Variants in CDH12 observed in about 807,000 individuals in gnomAD.
CDH12 encodes the protein cadherin-12.
A neutral mutation model predicts 74.1 loss-of-function variants in CDH12; 41 were observed. The observed-to-expected ratio is 0.55, with a 90% CI of 0.43 to 0.72. The LOEUF is 0.72. Among genes scored for constraint, CDH12 ranks in the 30% least tolerant of loss-of-function variants. CDH12 has a pLI of 0.00. For missense variants in CDH12, 945 were observed against 977.2 expected (o/e 0.97, Z 0.44); for synonymous variants, 399 against 355.0 (o/e 1.12, Z -1.39).
intron 8 of CDH12, among the ~76,000 whole-genome samples, chr5:21,826,578 T>A (rs1748682707): frequency 6.6e-6 from 1 of 152,154 alleles, no homozygotes; most frequent in Non-Finnish European, 1.5e-5. Context: ...GTCTTTCCAT[T>A]CTGCACAGCA....
At chr5:22,362,271 G>T (rs1484788348) in intron 3 of CDH12, among the ~76,000 whole-genome samples, 2 of 152,052 alleles carry the variant, frequency 1.3e-5, no homozygotes, top group African/African-American at 2.4e-5. Context: ...GTGGGTGAAG[G>T]ATATGAACAG....
chr5:22,681,950 A>G (rs1561574048), intron 1 of CDH12, among the ~76,000 whole-genome samples: 1 of 151,796 alleles, frequency 6.6e-6, no homozygotes, highest in African/African-American at 2.4e-5. Flanking sequence ...AAATCCATCA[A>G]ACAGTAAAAC....
intron 4 of CDH12, among the ~76,000 whole-genome samples, chr5:22,109,748 T>C (rs2150259034): frequency 6.6e-6 from 1 of 152,310 alleles, no homozygotes; most frequent in East Asian, 1.9e-4. Context: ...ACTCAGATTA[T>C]CAAAGGTATT....
intron 1 of CDH12, among the ~76,000 whole-genome samples, chr5:22,695,400 G>C (rs886442779): frequency 4.6e-5 from 7 of 151,992 alleles, no homozygotes; most frequent in Admixed American, 4.6e-4. Flanking sequence ...TCTGATTCTA[G>C]ATCCTTGAGA....
At chr5:22,035,833 C>T (rs1168202786) in intron 5 of CDH12, among the ~76,000 whole-genome samples, 1 of 151,862 alleles carries the variant, frequency 6.6e-6, no homozygotes, top group Non-Finnish European at 1.5e-5. Flanking sequence ...TAAAATGAAA[C>T]TTGACCACTG....
At chr5:22,211,491 TA>T (rs949724029) in intron 4 of CDH12, among the ~76,000 whole-genome samples, 1 of 152,084 alleles carries the variant, frequency 6.6e-6, no homozygotes, top group Admixed American at 6.6e-5. Flanking sequence ...CTTAATTACA[TA>T]AAAATTTATC....
intron 3 of CDH12, among the ~76,000 whole-genome samples, chr5:22,325,827 G>C (rs1192192335): frequency 2.0e-5 from 3 of 152,098 alleles, no homozygotes; most frequent in Admixed American, 6.6e-5. Flanking sequence ...AGAATGGTGT[G>C]AACCCGGGAG....
At chr5:22,198,805 A>G (rs1278894030) in intron 4 of CDH12, among the ~76,000 whole-genome samples, 7 of 152,148 alleles carry the variant, frequency 4.6e-5, no homozygotes, top group Non-Finnish European at 2.9e-5. Context: ...TTCAATAAAT[A>G]TAACACAAGC....
intron 1 of CDH12, chr5:22,580,779 G>A (rs1043189642): frequency 3.5e-5 from 9 of 257,866 alleles, no homozygotes; most frequent in African/African-American, 8.8e-5. Context: ...TCTCCATTTC[G>A]AGGTTGTTTT....
At chr5:22,458,248 A>G (rs1432763000) in intron 2 of CDH12, among the ~76,000 whole-genome samples, 1 of 152,070 alleles carries the variant, frequency 6.6e-6, no homozygotes, top group Non-Finnish European at 1.5e-5. Flanking sequence ...GTAGATGCAT[A>G]ACTCCAATTT....
In CDH12 at chr5:22,323,628, G is replaced by A. The variant is rs536385593; in HGVS notation, c.-333+81629C>T. Among the ~76,000 whole-genome samples, 28 of 152,196 alleles carry A rather than the reference G, an allele frequency of 1.8e-4. No homozygotes were observed. The South Asian group carries it at 4.3e-3, about 24-fold the overall frequency. On this transcript the variant is annotated intron_variant, in intron 3 of 14. Coordinates refer to ENST00000382254, the MANE Select transcript of CDH12 (RefSeq NM_004061.5). ...TATATGAAGAATCAAGAAACATATC[G>A]CCACATGACTAGTGCTCTGTAAGTA...
intron 1 of CDH12, among the ~76,000 whole-genome samples, chr5:22,536,028 T>C (rs1211178479): frequency 6.6e-6 from 1 of 152,216 alleles, no homozygotes; most frequent in Non-Finnish European, 1.5e-5. Context: ...TTAAAGTATA[T>C]GGGAGGATGT....
At chr5:21,774,985 T>C (rs1745507957) in intron 11 of CDH12, among the ~76,000 whole-genome samples, 1 of 152,156 alleles carries the variant, frequency 6.6e-6, no homozygotes, top group Non-Finnish European at 1.5e-5. Context: ...TGGAGATTTC[T>C]TGGCAGTACT....
intron 2 of CDH12, among the ~76,000 whole-genome samples, chr5:22,449,864 CA>C (rs1461130627): frequency 6.6e-6 from 1 of 151,988 alleles, no homozygotes; most frequent in Admixed American, 6.6e-5. Flanking sequence ...AAAACCCCAA[CA>C]CATTCATTTG....
intron 4 of CDH12, among the ~76,000 whole-genome samples, chr5:22,103,574 T>G (rs533287194): frequency 6.6e-6 from 1 of 152,348 alleles, no homozygotes; most frequent in Admixed American, 6.5e-5. Context: ...TCCTTATCGC[T>G]TCTTATGCAG....
At chr5:22,595,544 A>C (rs1736562467) in intron 1 of CDH12, among the ~76,000 whole-genome samples, 1 of 152,188 alleles carries the variant, frequency 6.6e-6, no homozygotes. Context: ...AAGTATGGTT[A>C]TTTCATATTC....
At chr5:21,933,260 C>T (rs1187485797) in intron 6 of CDH12, among the ~76,000 whole-genome samples, 1 of 151,946 alleles carries the variant, frequency 6.6e-6, no homozygotes, top group East Asian at 1.9e-4. Context: ...TGTTGAACAT[C>T]AGTTATCTCT....
chr5:21,953,389 G>A lies in CDH12; in HGVS notation c.526+21702C>T, dbSNP rs546311965. 1.2e-4 allele frequency among the ~76,000 whole-genome samples: 19 copies of A among 152,304 alleles called. No individual in the cohort carries two copies. In the East Asian group the frequency reaches 3.7e-3, roughly 29 times the overall value. ...ACAAACTGTAACCCGGTTGCCTTGG[G>A]CATGCTTTCCGAACCTCTTGAGATA... On this transcript the variant is annotated intron_variant, in intron 6 of 14. Coordinates refer to ENST00000382254, the MANE Select transcript of CDH12 (RefSeq NM_004061.5).
At chr5:22,620,686 G>A (rs1737928160) in intron 1 of CDH12, among the ~76,000 whole-genome samples, 2 of 152,082 alleles carry the variant, frequency 1.3e-5, no homozygotes, top group Admixed American at 6.6e-5. Context: ...TCAAATGCTA[G>A]GCTGCCTGTG....
Sources: gnomAD v4.1 joint callset for allele counts (sites outside exome capture counted in the v4.1 genomes callset) on GRCh38, gnomAD v4.1.1 for gene constraint, MANE v1.5 for transcripts, NCBI Gene and HGNC (gene_info 2026-07-23, HGNC 2026-07-21) for gene names.